The following STRN variants were observed in gnomAD, a reference collection of about 807,000 sequenced individuals.
STRN encodes the protein protein phosphatase 2 regulatory subunit B'''alpha.
A neutral mutation model predicts 96.3 loss-of-function variants in STRN; 53 were observed. The observed-to-expected ratio is 0.55, with a 90% CI of 0.44 to 0.69. STRN has a LOEUF of 0.69. Among genes scored for constraint, STRN ranks in the 30% least tolerant of loss-of-function variants. The pLI, the probability that STRN is intolerant of heterozygous loss-of-function variation, is 0.00. For missense variants in STRN, 987 were observed against 963.9 expected, an observed-to-expected ratio of 1.02 and a Z score of -0.32; for synonymous variants, 428 against 355.9, an observed-to-expected ratio of 1.20 and a Z score of -2.28.
intron 13 of STRN, 93 bp downstream of exon 13, chr2:36,861,039 C>CA: frequency 6.9e-7 from 1 of 1,458,310 alleles, no homozygotes; most frequent in South Asian, 1.4e-5. Flanking sequence ...TATTTATTTT[C>CA]AAAAATCTCT....
chr2:36,936,597 G>C (rs1670707868), intron 1 of STRN, among the ~76,000 whole-genome samples: 1 of 152,136 alleles, frequency 6.6e-6, no homozygotes, highest in Admixed American at 6.6e-5. Flanking sequence ...ATGTATGTAA[G>C]TGACTAATAA....
At chr2:36,886,648 G>GA (rs1243248624) in intron 8 of STRN, 68 bp downstream of exon 8, 69,642 of 1,028,526 alleles carry the variant, frequency 0.068, no homozygotes, top group Non-Finnish European at 0.074. Flanking sequence ...GGAAAACATT[G>GA]AAAAAAAAAA....
chr2:36,925,348 T>C, intron 1 of STRN, 140 bp from the exon 2 acceptor site: 1 of 629,886 alleles, frequency 1.6e-6, no homozygotes, highest in African/African-American at 1.8e-5. Flanking sequence ...TATGTACAAA[T>C]ATAAAAATGC....
intron 9 of STRN, among the ~76,000 whole-genome samples, chr2:36,879,016 G>A (rs1668996312): frequency 6.6e-6 from 1 of 151,798 alleles, no homozygotes; most frequent in African/African-American, 2.4e-5. Context: ...GCCTCCCAAA[G>A]TGCTGGGATT....
intron 2 of STRN, among the ~76,000 whole-genome samples, chr2:36,919,725 G>A (rs1335324779): frequency 6.6e-6 from 1 of 152,198 alleles, no homozygotes; most frequent in Non-Finnish European, 1.5e-5. Flanking sequence ...TAGAAGCAAG[G>A]AGGACAGTTA....
intron 1 of STRN, among the ~76,000 whole-genome samples, chr2:36,963,547 C>T (rs1665080373): frequency 6.6e-6 from 1 of 152,178 alleles, no homozygotes; most frequent in South Asian, 2.1e-4. Context: ...CCAGAGATTA[C>T]TGCAAACTCT....
At chr2:36,961,387 GGGATTACA>G (rs1464239180) in intron 1 of STRN, among the ~76,000 whole-genome samples, 10 of 151,824 alleles carry the variant, frequency 6.6e-5, no homozygotes, top group Admixed American at 1.3e-4. Flanking sequence ...CAAAAGTACT[GGGATTACA>G]GGATTACAGG....
Position 36,842,777 on chromosome 2 carries a change from A to G in STRN, c.*6679T>C, listed in dbSNP as rs574429349. On this transcript the variant is annotated 3_prime_UTR_variant, in exon 18 of 18. Transcript: ENST00000263918. Reference sequence around the variant, plus strand: ...CTTACTGAGTTAAAATTTGTGTTTCAGAAAACGGATTCCAATTTTCAGAGC... The same window carrying G: ...CTTACTGAGTTAAAATTTGTGTTTCGGAAAACGGATTCCAATTTTCAGAGC... Among the ~76,000 whole-genome samples the G allele has an allele frequency of 2.6e-5, 4 of 152,318 alleles. No individual in the cohort carries two copies. In the East Asian group the frequency reaches 7.7e-4, roughly 29 times the overall value.
intron 11 of STRN, among the ~76,000 whole-genome samples, 195 bp downstream of exon 11, chr2:36,869,359 C>G (rs1668707756): frequency 6.6e-6 from 1 of 152,102 alleles, no homozygotes; most frequent in South Asian, 2.1e-4. Context: ...ACAGATAATA[C>G]CATATCTTCC....
At chr2:36,924,465 A>G (rs1476098578) in intron 2 of STRN, among the ~76,000 whole-genome samples, 2 of 152,104 alleles carry the variant, frequency 1.3e-5, no homozygotes, top group Non-Finnish European at 2.9e-5. Flanking sequence ...AGGAAAAGGA[A>G]ACACTATAGA....
intron 1 of STRN, among the ~76,000 whole-genome samples, chr2:36,937,138 G>C (rs1293449065): frequency 6.6e-6 from 1 of 152,096 alleles, no homozygotes; most frequent in Non-Finnish European, 1.5e-5. Flanking sequence ...GAGGTCGGGA[G>C]TTCGAGATAA....
intron 3 of STRN, among the ~76,000 whole-genome samples, chr2:36,909,840 G>T (rs532886608): frequency 1.3e-5 from 2 of 152,228 alleles, no homozygotes; most frequent in Admixed American, 1.3e-4. Flanking sequence ...AAGGGCAACA[G>T]GAGATATCTC....
At chr2:36,929,125 T>A (rs1670500841) in intron 1 of STRN, among the ~76,000 whole-genome samples, 1 of 152,132 alleles carries the variant, frequency 6.6e-6, no homozygotes. Context: ...TACGTATTTT[T>A]CACAGTATAG....
At chr2:36,859,030 C>T (rs754002058) in intron 13 of STRN, among the ~76,000 whole-genome samples, 3 of 152,144 alleles carry the variant, frequency 2.0e-5, no homozygotes, top group Admixed American at 6.5e-5. Flanking sequence ...AAAGAAACAG[C>T]ATGATATGCA....
intron 1 of STRN, among the ~76,000 whole-genome samples, chr2:36,951,056 A>G (rs1664740962): frequency 6.6e-6 from 1 of 152,234 alleles, no homozygotes; most frequent in Non-Finnish European, 1.5e-5. Flanking sequence ...ATTTATCTAC[A>G]AGAAAAAATA....
At chr2:36,872,370 G>A (rs1012819427) in intron 10 of STRN, among the ~76,000 whole-genome samples, 6 of 152,144 alleles carry the variant, frequency 3.9e-5, no homozygotes, top group African/African-American at 1.2e-4. Flanking sequence ...AACAACCACA[G>A]GAAGAGCTTG....
rs144832125 is a variant in STRN at position 36,954,126 on chromosome 2, G to T, written c.234+12104C>A. Among the ~76,000 whole-genome samples, 1,124 of 152,170 alleles carry T rather than the reference G, an allele frequency of 7.4e-3. 18 individuals are homozygous for T. Among genetic ancestry groups the T allele is most frequent in the African/African-American group, 0.026 (1,073 of 41,508 alleles). On this transcript the variant is annotated intron_variant, in intron 1 of 17. Coordinates refer to ENST00000263918, the MANE Select transcript of STRN (RefSeq NM_003162.4). ...AGTGCTTGATCTTTGCTATATCAAA[G>T]ATCACAATATTTGATATGTGATCAA...
At chr2:36,917,516 C>A (rs1167951379) in intron 2 of STRN, among the ~76,000 whole-genome samples, 3 of 144,082 alleles carry the variant, frequency 2.1e-5, no homozygotes, top group Non-Finnish European at 3.0e-5. Flanking sequence ...ACAGTGAGAC[C>A]CTGTCTCAAA....
Position 36,966,406 on chromosome 2 carries a change from C to T in STRN, c.58G>A (p.Gly20Ser), listed in dbSNP as rs1665165870. Residue 20 changes from glycine to serine, a missense_variant, in exon 1 of 18, where the codon GGT becomes AGT. By Grantham distance (56) the Gly-to-Ser change is moderately conservative. Transcript: ENST00000263918. The stretch of plus-strand genomic sequence containing the variant: ...GCCAGAGGCCCGAGCCCCTTGGCAC[C>T]GCCGGCGCCCGGGTGGTTGTTGCTG... Reference protein sequence around the residue: ...FFSNNHPGAGGAKGLGPLAEA... With the variant: ...FFSNNHPGAGSAKGLGPLAEA... The T allele has an allele frequency of 6.9e-7, 1 of 1,457,840 alleles. No individual in the cohort carries two copies. The highest frequency in any genetic ancestry group is 3.0e-5 in the East Asian group (1 of 32,936). 90.3% of individuals were successfully genotyped at this position (1,457,840 alleles called of 1,614,324 possible).
Sources: gnomAD v4.1 joint callset for allele counts (sites outside exome capture counted in the v4.1 genomes callset) on GRCh38, gnomAD v4.1.1 for gene constraint, MANE v1.5 for transcripts, NCBI Gene and HGNC (gene_info 2026-07-23, HGNC 2026-07-21) for gene names.